Variants in PDXDC1 observed in about 807,000 individuals in gnomAD.
PDXDC1 encodes pyridoxal-dependent decarboxylase domain-containing protein 1.
PDXDC1 carries 42 observed loss-of-function variants against 100.1 expected under a neutral mutation model. The observed-to-expected ratio is 0.42, with a 90% CI of 0.33 to 0.54. PDXDC1 has a LOEUF of 0.54. Ranked by LOEUF, PDXDC1 falls within the 20% of genes least tolerant of loss-of-function variation. PDXDC1 has a pLI of 0.10. For missense variants in PDXDC1, 636 were observed against 979.2 expected (o/e 0.65, Z 4.68); for synonymous variants, 260 against 371.7 (o/e 0.70, Z 3.46).
chr16:15,010,034 T>C (rs1413115834), intron 8 of PDXDC1, among the ~76,000 whole-genome samples: 1 of 152,288 alleles, frequency 6.6e-6, no homozygotes, highest in East Asian at 1.9e-4. Flanking sequence ...TTCTTTTCCC[T>C]GTTCTAAACT....
chr16:15,086,310 C>G (rs1158697403), intron 16 of PDXDC1: 2 of 1,604,754 alleles, frequency 1.2e-6, no homozygotes, highest in African/African-American at 2.7e-5. Flanking sequence ...ATAACATATA[C>G]TATTACCAAA....
In PDXDC1 at chr16:15,033,334, G is replaced by A. The variant is rs200121936; in HGVS notation, c.1747G>A (p.Val583Ile). The A allele has an allele frequency of 6.8e-5, 109 of 1,614,188 alleles. 1 individual carries two copies. The South Asian group carries it at 8.3e-4, about 12-fold the overall frequency. ...CLYVGMASDN[V>I]DAAELVETIA... ...TTATGTCGGCATGGCGAGCGACAAC[G>A]TCGATGCTGCTGAGCTCGTGGAGAC... The change falls in exon 19 of 23, where the codon GTC (valine) becomes ATC (isoleucine). Residue 583 changes from valine (V) to isoleucine (I), a missense_variant. Physicochemically the swap from Val to Ile is conservative, Grantham distance 29. Around this residue, in one of 4 missense-constraint regions of PDXDC1, gnomAD observed 452 missense variants for 402.9 expected, o/e 1.12. Transcript: ENST00000396410.
intron 1 of PDXDC1, among the ~76,000 whole-genome samples, chr16:14,977,080 G>C (rs1402056463): frequency 1.3e-5 from 2 of 152,258 alleles, no homozygotes; most frequent in African/African-American, 4.8e-5. Flanking sequence ...AGTGTTAATT[G>C]ATGATAAAAG....
intron 16 of PDXDC1, chr16:15,044,682 T>C: frequency 2.0e-6 from 1 of 508,412 alleles, no homozygotes; most frequent in South Asian, 2.5e-5. Flanking sequence ...GGAACTTTGC[T>C]CTGGAAGAGC....
At position 15,035,562 on chromosome 16, in the gene PDXDC1, C is replaced by A; in HGVS notation, c.2107+9C>A. The A allele has an allele frequency of 6.5e-7, 1 of 1,543,850 alleles. No individual in the cohort carries two copies. The highest frequency in any genetic ancestry group is 1.1e-5 in the South Asian group (1 of 87,644). On this transcript the variant is annotated intron_variant, in intron 22 of 22. Transcript: ENST00000396410. ...CAAGCAGAGGCTTCCAGGTAAGTGA[C>A]GCCTCTGCACCGAGTTCAGGTAACA...
At chr16:14,984,288 C>A (rs1339996082) in intron 1 of PDXDC1, among the ~76,000 whole-genome samples, 2 of 150,718 alleles carry the variant, frequency 1.3e-5, no homozygotes, top group Non-Finnish European at 2.9e-5. Flanking sequence ...ACCTCTTTAC[C>A]CACCCATCCC....
chr16:15,016,773 C>T (rs535675403), intron 9 of PDXDC1, among the ~76,000 whole-genome samples: 4 of 152,400 alleles, frequency 2.6e-5, no homozygotes, highest in East Asian at 1.9e-4. Flanking sequence ...GGGGAACGGA[C>T]GTGGGCAGCC....
intron 16 of PDXDC1, among the ~76,000 whole-genome samples, chr16:15,046,802 A>G (rs992777760): frequency 1.1e-4 from 17 of 151,830 alleles, no homozygotes; most frequent in Admixed American, 7.9e-4. Flanking sequence ...CTGAGTCCAC[A>G]AAGTCAAGGC....
At chr16:15,003,148 C>A (rs1279963244) in intron 4 of PDXDC1, among the ~76,000 whole-genome samples, 1 of 151,854 alleles carries the variant, frequency 6.6e-6, no homozygotes, top group African/African-American at 2.4e-5. Context: ...AATACCTAGT[C>A]CCCCATGAAT....
chr16:15,148,587 T>C, the PDXDC1 span, among the ~76,000 whole-genome samples: 1 of 151,286 alleles, frequency 6.6e-6, no homozygotes. Context: ...TCTCACCCTG[T>C]TGCCCAGGCT....
chr16:15,103,478 T>C, intron 16 of PDXDC1: 1 of 613,830 alleles, frequency 1.6e-6, no homozygotes, highest in Non-Finnish European at 2.9e-6. Flanking sequence ...AGACCACCCC[T>C]TGGGTATATC....
chr16:15,011,749 C>A lies in PDXDC1; in HGVS notation c.727+1990C>A, dbSNP rs576676698. 1.1e-4 allele frequency among the ~76,000 whole-genome samples: 17 copies of A among 151,832 alleles called. No homozygotes were observed. The South Asian group carries it at 3.6e-3, about 32-fold the overall frequency. ...TGCGACCTTGGCTCACTGCAACCTC[C>A]GCCTCCCAGGTTCAAGCGATTCGCC... is the stretch of plus-strand genomic sequence containing the variant. On this transcript the variant is annotated intron_variant, in intron 8 of 22. Coordinates refer to ENST00000396410, the MANE Select transcript of PDXDC1 (RefSeq NM_015027.4).
intron 16 of PDXDC1, among the ~76,000 whole-genome samples, chr16:15,117,869 G>A (rs1044409367): frequency 5.2e-5 from 1 of 19,182 alleles, no homozygotes; most frequent in African/African-American, 2.3e-4. Context: ...AATTATCTAG[G>A]TGGTAAAACT....
intron 16 of PDXDC1, chr16:15,061,429 C>G (rs1260180174): frequency 3.2e-6 from 1 of 311,024 alleles, no homozygotes; most frequent in African/African-American, 2.1e-5. Context: ...TTAGAAATTA[C>G]CCAGTAATTG....
intron 16 of PDXDC1, chr16:15,110,921 G>A: frequency 1.0e-6 from 1 of 979,278 alleles, no homozygotes. Context: ...ACGGGGTCAG[G>A]AGTTCAAGAC....
chr16:15,092,696 A>C lies in PDXDC1; in HGVS notation c.1400-46183A>C, dbSNP rs1341851621. The stretch of plus-strand genomic sequence containing the variant: ...AGCCAACATTTATTGAACCAACATA[A>C]TTCAGTGGAACTATTGTTAAGGCCT... On this transcript the variant is annotated intron_variant, in intron 16 of 16. Coordinates refer to the PDXDC1 transcript ENST00000535621. The C allele has an allele frequency of 3.2e-6, 3 of 936,646 alleles. No individual in the cohort carries two copies. The African/African-American group carries it at 5.0e-5, about 16-fold the overall frequency. The allele number at this position is 936,646 out of a possible 1,614,324, so 58.0% of individuals were successfully genotyped here. A position where few individuals can be genotyped will look rare whatever the true frequency, so the allele number is the denominator to read the frequency against.
chr16:14,978,101 G>A (rs1455835192), intron 1 of PDXDC1, among the ~76,000 whole-genome samples: 1 of 152,092 alleles, frequency 6.6e-6, no homozygotes, highest in African/African-American at 2.4e-5. Context: ...GTCACGATTT[G>A]CTTTTCTTCC....
intron 16 of PDXDC1, chr16:15,126,078 A>C: frequency 2.0e-6 from 1 of 511,236 alleles, no homozygotes; most frequent in South Asian, 2.1e-5. Context: ...TCTGTCACCC[A>C]GGCTGGAGTG....
At chr16:15,117,542 A>T (rs1481020561) in intron 16 of PDXDC1, among the ~76,000 whole-genome samples, 1 of 151,350 alleles carries the variant, frequency 6.6e-6, no homozygotes, top group Non-Finnish European at 1.5e-5. Flanking sequence ...AAAATACACA[A>T]ATTAGCTGGG....
Sources: gnomAD v4.1 joint callset for allele counts (sites outside exome capture counted in the v4.1 genomes callset) on GRCh38, gnomAD v4.1.1 for gene constraint, gnomAD v4.1.1 regional missense constraint, MANE v1.5 for transcripts, NCBI Gene and HGNC (gene_info 2026-07-23, HGNC 2026-07-21) for gene names.